The following SHOC1 variants were observed in gnomAD, a reference collection of about 807,000 sequenced individuals.
SHOC1 encodes the protein shortage in chiasmata 1.
SHOC1 carries 136 observed loss-of-function variants against 179.2 expected under a neutral mutation model. The observed-to-expected ratio is 0.76, with a 90% CI of 0.66 to 0.87. The LOEUF is 0.87. SHOC1 is among the 40% of genes least tolerant of loss of function. SHOC1 has a pLI of 0.00. For synonymous variants in SHOC1, 489 were observed against 586.6 expected (o/e 0.83, Z 2.41); for missense variants, 1,538 against 1,700.8 (o/e 0.90, Z 1.68).
intron 7 of SHOC1, 55 bp downstream of exon 7, chr9:111,758,029 C>A (rs953776515): frequency 2.3e-6 from 2 of 887,486 alleles, no homozygotes; most frequent in Non-Finnish European, 1.7e-6. Flanking sequence ...ACAAATTTTA[C>A]AAAAATGTGC....
At chr9:111,720,685 C>G (rs777273909) in intron 15 of SHOC1, among the ~76,000 whole-genome samples, 5 of 151,996 alleles carry the variant, frequency 3.3e-5, no homozygotes, top group African/African-American at 7.2e-5. Context: ...GTGATTGTTT[C>G]TATTACTGTG....
At chr9:111,749,858 TC>T (rs1834492151) in intron 8 of SHOC1, among the ~76,000 whole-genome samples, 1 of 152,206 alleles carries the variant, frequency 6.6e-6, no homozygotes, top group Non-Finnish European at 1.5e-5. Context: ...ATAATCTCAT[TC>T]CTTTTTATGG....
At chr9:111,774,325 G>GTC (rs1285379361) in intron 5 of SHOC1, among the ~76,000 whole-genome samples, 1 of 152,008 alleles carries the variant, frequency 6.6e-6, no homozygotes, top group African/African-American at 2.4e-5. Context: ...TCCAGACAGG[G>GTC]TCTCACTCTG....
chr9:111,733,655 G>A (rs1833689599), intron 12 of SHOC1, among the ~76,000 whole-genome samples: 1 of 152,142 alleles, frequency 6.6e-6, no homozygotes, highest in Non-Finnish European at 1.5e-5. Context: ...ATCACCTGAG[G>A]TCAGCAGTTT....
intron 4 of SHOC1, 72 bp downstream of exon 4, chr9:111,780,858 T>A (rs1436473368): frequency 2.6e-5 from 26 of 1,015,352 alleles, no homozygotes; most frequent in Non-Finnish European, 3.8e-5. Context: ...TTTCCCTCTT[T>A]AGGTATCTGG....
chr9:111,722,687 T>G, intron 14 of SHOC1, 102 bp from the exon 15 acceptor site: 1 of 883,784 alleles, frequency 1.1e-6, no homozygotes, highest in Non-Finnish European at 1.7e-6. Flanking sequence ...AACTTCTATC[T>G]GAATTATTTT....
At chr9:111,749,836 C>T (rs962130793) in intron 8 of SHOC1, among the ~76,000 whole-genome samples, 3 of 152,180 alleles carry the variant, frequency 2.0e-5, no homozygotes, top group Admixed American at 6.5e-5. Context: ...CATCCATGTA[C>T]CTGCAAAGGA....
In SHOC1 at chr9:111,697,250, G is replaced by C. The variant is rs572035926; in HGVS notation, c.3183+2704C>G. The stretch of plus-strand genomic sequence containing the variant: ...GTACATGTTCACAATGTGCAGGTTT[G>C]TTATATATGTATACATGTGCCATGT... On this transcript the variant is annotated intron_variant, in intron 24 of 27. Transcript: ENST00000682961. Among the ~76,000 whole-genome samples, 164 of 150,598 alleles carry C rather than the reference G, an allele frequency of 1.1e-3. 1 individual carries two copies. The highest frequency in any genetic ancestry group is 0.01 in the Middle Eastern group (3 of 294).
In SHOC1 at chr9:111,791,536, A is replaced by G. The variant is rs1169431013; in HGVS notation, c.-36-82T>C. On this transcript the variant is annotated intron_variant, in intron 1 of 27. Transcript: ENST00000682961. Reference sequence around the variant, plus strand: ...AATCTCAATCACAAAACTTTGGTTTACTCATTTTTAAAAAGGCTCTGAATG... The same window carrying G: ...AATCTCAATCACAAAACTTTGGTTTGCTCATTTTTAAAAAGGCTCTGAATG... 6 of 509,146 alleles carry G rather than the reference A, an allele frequency of 1.2e-5. No individual in the cohort carries two copies. The South Asian group carries it at 1.7e-4, about 15-fold the overall frequency. 31.5% of individuals were successfully genotyped at this position (509,146 alleles called of 1,614,324 possible).
chr9:111,717,934 CTAGAT>C (rs1442667605), intron 16 of SHOC1, among the ~76,000 whole-genome samples: 5 of 152,098 alleles, frequency 3.3e-5, no homozygotes, highest in African/African-American at 1.2e-4. Flanking sequence ...ATCAAATCTG[CTAGAT>C]TAGAGAATCC....
intron 4 of SHOC1, among the ~76,000 whole-genome samples, chr9:111,776,542 G>A (rs1407186438): frequency 2.0e-5 from 3 of 152,116 alleles, no homozygotes; most frequent in Non-Finnish European, 4.4e-5. Flanking sequence ...TTTATGTTCT[G>A]TTCCGTAACC....
At chr9:111,690,229 G>A (rs1318883279) in intron 27 of SHOC1, among the ~76,000 whole-genome samples, 1 of 152,122 alleles carries the variant, frequency 6.6e-6, no homozygotes, top group African/African-American at 2.4e-5. Context: ...TTCGAGATCA[G>A]CCTGGACAAC....
chr9:111,739,915 T>C (rs1833962327), intron 11 of SHOC1, among the ~76,000 whole-genome samples: 1 of 152,160 alleles, frequency 6.6e-6, no homozygotes, highest in Admixed American at 6.6e-5. Flanking sequence ...AAAAAATTTA[T>C]TTTCCTCTAG....
chr9:111,726,108 T>G (rs1283487091), intron 13 of SHOC1, among the ~76,000 whole-genome samples: 3 of 152,184 alleles, frequency 2.0e-5, no homozygotes, highest in South Asian at 2.1e-4. Flanking sequence ...CTTATTTTTA[T>G]GCAGAAGCGA....
At chr9:111,707,686 C>A (rs948812891) in intron 19 of SHOC1, among the ~76,000 whole-genome samples, 169 bp downstream of exon 19, 1 of 152,006 alleles carries the variant, frequency 6.6e-6, no homozygotes, top group Admixed American at 6.6e-5. Context: ...ATACACAGGA[C>A]AATGATCAGA....
chr9:111,728,455 ACT>A (rs1833411636), intron 12 of SHOC1, among the ~76,000 whole-genome samples: 1 of 152,192 alleles, frequency 6.6e-6, no homozygotes, highest in Non-Finnish European at 1.5e-5. Context: ...ACTCCTTATA[ACT>A]CTATATTTGA....
intron 8 of SHOC1, among the ~76,000 whole-genome samples, chr9:111,754,913 T>C (rs2131554065): frequency 6.6e-6 from 1 of 152,346 alleles, no homozygotes; most frequent in African/African-American, 2.4e-5. Context: ...ATAGTTTTAC[T>C]TACACTTTGA....
chr9:111,748,123 G>T lies in SHOC1; in HGVS notation c.939C>A (p.Ser313Arg). The T allele has an allele frequency of 1.2e-6, 2 of 1,613,392 alleles. No homozygotes were observed. Among genetic ancestry groups the T allele is most frequent in the Non-Finnish European group, 1.7e-6 (2 of 1,179,608 alleles). ...TACTGCACTCTTCTGGTTCACTCTG[G>T]CTTTGAATGGTCAAAATCTCTGTGG... is the stretch of plus-strand genomic sequence containing the variant. ...FSSTEILTIQ[S>R]QSEPEECSKP... The change falls in exon 9 of 28, where the codon AGC (serine) becomes AGA (arginine). Residue 313 changes from serine (S) to arginine (R), a missense_variant. Transcript: ENST00000682961.
At chr9:111,759,717 T>C (rs1005797559) in intron 5 of SHOC1, among the ~76,000 whole-genome samples, 4 of 152,190 alleles carry the variant, frequency 2.6e-5, no homozygotes, top group Admixed American at 2.6e-4. Flanking sequence ...ATCCTGGGTA[T>C]TGACTTTTCG....
Sources: gnomAD v4.1 joint callset for allele counts (sites outside exome capture counted in the v4.1 genomes callset) on GRCh38, gnomAD v4.1.1 for gene constraint, MANE v1.5 for transcripts, NCBI Gene and HGNC (gene_info 2026-07-23, HGNC 2026-07-21) for gene names.